Variants in MYOF observed in about 807,000 individuals in gnomAD.
MYOF encodes fer-1-like 3, myoferlin.
MYOF carries 244 observed loss-of-function variants against 284.2 expected under a neutral mutation model. The observed-to-expected ratio is 0.86, with a 90% CI of 0.77 to 0.95. The LOEUF is 0.95. MYOF is among the 40% of genes least tolerant of loss of function. The probability of loss-of-function intolerance (pLI) is 0.00; values close to 1 mark genes in which losing one functional copy is unlikely to be tolerated. For missense variants in MYOF, 2,496 were observed against 2,560.6 expected, an observed-to-expected ratio of 0.97 and a Z score of 0.54; for synonymous variants, 904 against 919.7, an observed-to-expected ratio of 0.98 and a Z score of 0.31.
intron 3 of MYOF, among the ~76,000 whole-genome samples, chr10:93,433,117 T>C (rs891932124): frequency 1.3e-5 from 2 of 152,174 alleles, no homozygotes; most frequent in Non-Finnish European, 2.9e-5. Context: ...TCAGTATGTA[T>C]CCCGAAAACG....
At chr10:93,310,276 A>G in intron 52 of MYOF, 109 bp from the exon 53 acceptor site, 1 of 1,393,820 alleles carries the variant, frequency 7.2e-7, no homozygotes, top group Non-Finnish European at 9.9e-7. Flanking sequence ...TAAGGTCAAG[A>G]AAAAATACTG....
At position 93,355,544 on chromosome 10, in the gene MYOF, C is replaced by T. The variant is rs1027016559; in HGVS notation, c.3403+84G>A. Reference sequence around the variant, plus strand: ...GCAGCGAGCCAAGATCGTACCACTGCACTCCAGCCTGGGTGATAGGGCCAG... The same window carrying T: ...GCAGCGAGCCAAGATCGTACCACTGTACTCCAGCCTGGGTGATAGGGCCAG... On this transcript the variant is annotated intron_variant, in intron 31 of 53. Transcript: ENST00000359263. 2.1e-5 allele frequency: 22 copies of T among 1,066,556 alleles called. No homozygotes were observed. In the South Asian group the frequency reaches 3.2e-4, roughly 15 times the overall value. The allele number at this position is 1,066,556 out of a possible 1,614,324, so 66.1% of individuals were successfully genotyped here. A position where few individuals can be genotyped will look rare whatever the true frequency, so the allele number is the denominator to read the frequency against.
At chr10:93,445,696 G>A (rs1351894668) in intron 3 of MYOF, among the ~76,000 whole-genome samples, 1 of 152,220 alleles carries the variant, frequency 6.6e-6, no homozygotes, top group African/African-American at 2.4e-5. Context: ...ATGCGGGTGT[G>A]GGCATGGAGC....
At chr10:93,397,315 T>C (rs763838224) in intron 14 of MYOF, 25 bp from the exon 15 acceptor site, 2 of 1,595,714 alleles carry the variant, frequency 1.3e-6, no homozygotes, top group Admixed American at 1.7e-5. Context: ...CAGAAAAAAG[T>C]AGTTATTTCT....
At position 93,309,963 on chromosome 10, in the gene MYOF, A is replaced by C. The variant is rs1425892474; in HGVS notation, c.6147+57T>G. ...GTGGTCAGGGCAGATGCCAAGGGAG[A>C]GGACCAACTGCAACTCACAAGAAAG... On this transcript the variant is annotated intron_variant, in intron 53 of 53. Coordinates refer to ENST00000359263, the MANE Select transcript of MYOF (RefSeq NM_013451.4). 5 of 1,605,168 alleles carry C rather than the reference A, an allele frequency of 3.1e-6. No individual in the cohort carries two copies. In the East Asian group the frequency reaches 6.7e-5, roughly 22 times the overall value.
In MYOF at chr10:93,316,696, T is replaced by C. The variant is rs770244093; in HGVS notation, c.5698+18A>G. 1.9e-6 allele frequency: 3 copies of C among 1,579,164 alleles called. No individual in the cohort carries two copies. In the South Asian group the frequency reaches 3.3e-5, roughly 18 times the overall value. ...AAGTACAGTTTCTTAGAAACAATGA[T>C]CCAAATGTAAGCCCTACCCAAGTAG... is the stretch of plus-strand genomic sequence containing the variant. On this transcript the variant is annotated intron_variant, in intron 50 of 53. Transcript: ENST00000359263.
chr10:93,326,485 T>G (rs866931135), intron 45 of MYOF, among the ~76,000 whole-genome samples: 1 of 152,162 alleles, frequency 6.6e-6, no homozygotes, highest in Non-Finnish European at 1.5e-5. Flanking sequence ...GGGACCTGGG[T>G]TCATGGAGCA....
chr10:93,458,189 C>T (rs1406461870), intron 1 of MYOF, among the ~76,000 whole-genome samples: 2 of 151,816 alleles, frequency 1.3e-5, no homozygotes, highest in African/African-American at 4.8e-5. Context: ...CCCATCTCTA[C>T]AAAAATACAA....
chr10:93,442,260 T>C (rs866396169), intron 3 of MYOF, among the ~76,000 whole-genome samples: 2 of 152,330 alleles, frequency 1.3e-5, no homozygotes, highest in South Asian at 4.1e-4. Flanking sequence ...AGTTTTAACA[T>C]CGTCCCTGAC....
chr10:93,371,561 AG>A, intron 24 of MYOF, among the ~76,000 whole-genome samples: 1 of 152,372 alleles, frequency 6.6e-6, no homozygotes, highest in East Asian at 1.9e-4. Flanking sequence ...AAAAATATGT[AG>A]TTTATTAACA....
intron 34 of MYOF, 38 bp downstream of exon 34, chr10:93,351,375 A>T: frequency 6.2e-7 from 1 of 1,611,064 alleles, no homozygotes; most frequent in African/African-American, 1.3e-5. Context: ...CATTTTAAGC[A>T]GCTGACAGAA....
chr10:93,452,269 T>C, intron 2 of MYOF, 128 bp from the exon 3 acceptor site: 1 of 716,784 alleles, frequency 1.4e-6, no homozygotes, highest in Non-Finnish European at 2.4e-6. Flanking sequence ...TTTGAAGTTA[T>C]GCAGAAATGA....
At chr10:93,377,195 G>A (rs536954821) in intron 22 of MYOF, 128 bp downstream of exon 22, 10 of 697,508 alleles carry the variant, frequency 1.4e-5, no homozygotes, top group Admixed American at 5.7e-5. Flanking sequence ...GACTTTTTAC[G>A]AAGTTTGAAT....
Position 93,435,540 on chromosome 10 carries a change from G to A in MYOF, c.237-4024C>T, listed in dbSNP as rs928960484. On this transcript the variant is annotated intron_variant, in intron 3 of 53. Coordinates refer to ENST00000359263, the MANE Select transcript of MYOF (RefSeq NM_013451.4). ...ACTTGGCTAAGTCACCCAACTCTTC[G>A]TTATTTGCAAACAAGTGGATTGAAG... Among the ~76,000 whole-genome samples, 12 of 152,258 alleles carry A rather than the reference G, an allele frequency of 7.9e-5. No homozygotes were observed. The East Asian group carries it at 1.3e-3, about 17-fold the overall frequency.
At chr10:93,428,804 G>A (rs910100431) in intron 4 of MYOF, among the ~76,000 whole-genome samples, 3 of 152,132 alleles carry the variant, frequency 2.0e-5, no homozygotes, top group Non-Finnish European at 4.4e-5. Flanking sequence ...GCACTGAAGG[G>A]CTTAGTTGCT....
intron 48 of MYOF, among the ~76,000 whole-genome samples, chr10:93,322,260 T>A (rs531593850): frequency 5.3e-5 from 8 of 152,352 alleles, no homozygotes; most frequent in African/African-American, 1.9e-4. Context: ...TTATCTTTCA[T>A]GTATCAAGGA....
At chr10:93,383,708 G>A (rs1564669647) in intron 19 of MYOF, among the ~76,000 whole-genome samples, 1 of 152,194 alleles carries the variant, frequency 6.6e-6, no homozygotes, top group Non-Finnish European at 1.5e-5. Context: ...AGGATGATAG[G>A]AGAAAAGGGA....
Position 93,343,840 on chromosome 10 carries a change from C to G in MYOF, c.4326+16G>C. The stretch of plus-strand genomic sequence containing the variant: ...GATAAAACTGACAGCATCCACTGAT[C>G]AGCTCTGAAGCCTACCTTAGAAGCC... On this transcript the variant is annotated intron_variant, in intron 38 of 53. Transcript: ENST00000359263. 1 of 1,613,658 alleles carries G rather than the reference C, an allele frequency of 6.2e-7. No homozygotes were observed. The highest frequency in any genetic ancestry group is 8.5e-7 in the Non-Finnish European group (1 of 1,179,562).
rs116974831 is a variant in MYOF, at chr10:93,466,673, C to T, written c.89-9736G>A. Among the ~76,000 whole-genome samples, 611 of 152,318 alleles carry T rather than the reference C, an allele frequency of 4.0e-3. 24 individuals are homozygous for T. In the East Asian group the frequency reaches 0.085, roughly 21 times the overall value. ...GTGCTGGGCATATTAAACACATTCA[C>T]GTCTGTTCCCTACAAGGGAGGCTGG... On this transcript the variant is annotated intron_variant, in intron 1 of 53. Transcript: ENST00000359263.
Sources: allele counts gnomAD v4.1 joint callset (sites outside exome capture counted in the v4.1 genomes callset), GRCh38; gene constraint gnomAD v4.1.1; transcripts MANE v1.5; gene names NCBI Gene and HGNC (gene_info 2026-07-23, HGNC 2026-07-21).